Variants in EXT1 observed in about 807,000 individuals in gnomAD.
The protein encoded by EXT1 is exostosin-1.
In EXT1, 20 loss-of-function variants were observed where a neutral mutation model predicts 82.5. The ratio of observed to expected loss-of-function variants is 0.24; its 90% CI spans 0.17 to 0.35. The LOEUF is 0.35. EXT1 is among the 10% of genes least tolerant of loss of function. The pLI, the probability that EXT1 is intolerant of heterozygous loss-of-function variation, is 1.00. For synonymous variants in EXT1, 348 were observed against 350.8 expected, an observed-to-expected ratio of 0.99 and a Z score of 0.09; for missense variants, 757 against 936.5, an observed-to-expected ratio of 0.81 and a Z score of 2.50.
At chr8:117,960,582 A>G (rs1278575067) in intron 1 of EXT1, among the ~76,000 whole-genome samples, 2 of 152,366 alleles carry the variant, frequency 1.3e-5, no homozygotes, top group Non-Finnish European at 1.5e-5. Context: ...GTACATAATT[A>G]TAAGTACCTG....
rs1041914553 is a variant in EXT1 at position 117,987,272 on chromosome 8, C to A, written c.962+122813G>T. 1.1e-4 allele frequency among the ~76,000 whole-genome samples: 17 copies of A among 152,190 alleles called. 1 individual carries two copies. Among genetic ancestry groups the A allele is most frequent in the African/African-American group, 3.9e-4 (16 of 41,452 alleles). ...ATGGCCAACTTTTCTCAGACACTAA[C>A]CTGGAGTCACTAAAAAGAAAAAATT... is the stretch of plus-strand genomic sequence containing the variant. On this transcript the variant is annotated intron_variant, in intron 1 of 10. Transcript: ENST00000378204.
intron 1 of EXT1, among the ~76,000 whole-genome samples, chr8:117,924,081 T>C (rs1415618181): frequency 6.6e-6 from 1 of 152,238 alleles, no homozygotes; most frequent in Non-Finnish European, 1.5e-5. Flanking sequence ...ATGCTAGAAC[T>C]GGAGAATTTC....
rs1812078124 is a variant in EXT1 at position 117,830,331 on chromosome 8, AC to A, written c.1182del (p.Arg394SerfsTer9). ...RLLLQIPSTI[R>X]SIHQDKILAL... ...GCTAGGATTTTATCCTGATGAATAG[AC>A]CTGATTGTAGAAGGAATCTGTAACA... On this transcript the variant is annotated frameshift_variant, in exon 4 of 11. Transcript: ENST00000378204. LOFTEE classifies it high-confidence loss of function. 6.2e-7 allele frequency: 1 copy of A among 1,613,960 alleles called. No homozygotes were observed. The highest frequency in any genetic ancestry group is 1.7e-5 in the Admixed American group (1 of 60,004).
chr8:118,007,712 A>G (rs1295528871), intron 1 of EXT1, among the ~76,000 whole-genome samples: 1 of 152,256 alleles, frequency 6.6e-6, no homozygotes, highest in Non-Finnish European at 1.5e-5. Context: ...TTTCATTCGC[A>G]TCACCAGATG....
chr8:118,054,067 A>T (rs934861080), intron 1 of EXT1, among the ~76,000 whole-genome samples: 2 of 152,192 alleles, frequency 1.3e-5, no homozygotes, highest in African/African-American at 4.8e-5. Flanking sequence ...AACATCCTAT[A>T]ATGTACAGGG....
intron 1 of EXT1, among the ~76,000 whole-genome samples, chr8:117,868,928 T>C (rs1812820544): frequency 6.6e-6 from 1 of 152,054 alleles, no homozygotes; most frequent in African/African-American, 2.4e-5. Flanking sequence ...TGATGTGGAG[T>C]AGCCAGCCCT....
Position 117,985,345 on chromosome 8 carries a change from G to C in EXT1, c.962+124740C>G, listed in dbSNP as rs112980455. 7.4e-3 allele frequency among the ~76,000 whole-genome samples: 1,127 copies of C among 152,266 alleles called. 12 individuals are homozygous for C. Among genetic ancestry groups the C allele is most frequent in the African/African-American group, 0.026 (1,073 of 41,548 alleles). On this transcript the variant is annotated intron_variant, in intron 1 of 10. Transcript: ENST00000378204. ...TTGTTTGTTTTCCCTGATGATTTCA[G>C]AGAGAAAACCTCTAGCGGGCACCAA...
chr8:118,075,336 T>C (rs904962082), intron 1 of EXT1, among the ~76,000 whole-genome samples: 6 of 152,218 alleles, frequency 3.9e-5, no homozygotes, highest in Non-Finnish European at 7.3e-5. Flanking sequence ...CCATTCCCGA[T>C]ACTGCAGCTG....
chr8:117,938,663 A>C (rs1360723816), intron 1 of EXT1, among the ~76,000 whole-genome samples: 2 of 152,202 alleles, frequency 1.3e-5, no homozygotes, highest in African/African-American at 4.8e-5. Flanking sequence ...CTTCAAATGA[A>C]AGGGTCAAAA....
At chr8:117,920,790 T>C (rs2130013024) in intron 1 of EXT1, among the ~76,000 whole-genome samples, 1 of 152,264 alleles carries the variant, frequency 6.6e-6, no homozygotes, top group Non-Finnish European at 1.5e-5. Context: ...ACAATTGTGC[T>C]GGGTGGAAGT....
chr8:118,074,234 A>G (rs1314904251), intron 1 of EXT1, among the ~76,000 whole-genome samples: 1 of 152,154 alleles, frequency 6.6e-6, no homozygotes, highest in Non-Finnish European at 1.5e-5. Flanking sequence ...CACCACCACA[A>G]AAGTTCAGAG....
intron 1 of EXT1, among the ~76,000 whole-genome samples, chr8:117,990,044 G>A (rs1438319580): frequency 6.6e-6 from 1 of 152,118 alleles, no homozygotes; most frequent in South Asian, 2.1e-4. Context: ...GTGGTGGTAT[G>A]AGCCTGTAAT....
intron 4 of EXT1, among the ~76,000 whole-genome samples, chr8:117,828,210 G>C (rs1428422735): frequency 6.6e-6 from 1 of 152,048 alleles, no homozygotes; most frequent in Admixed American, 6.6e-5. Context: ...GGTTTTACAT[G>C]AATGAATTAT....
chr8:118,019,323 G>A (rs1254484555), intron 1 of EXT1, among the ~76,000 whole-genome samples: 3 of 152,004 alleles, frequency 2.0e-5, no homozygotes, highest in African/African-American at 7.2e-5. Flanking sequence ...TTTATACAGA[G>A]AGAGGTAAGT....
At chr8:117,957,413 G>T (rs1814609480) in intron 1 of EXT1, among the ~76,000 whole-genome samples, 1 of 152,176 alleles carries the variant, frequency 6.6e-6, no homozygotes, top group South Asian at 2.1e-4. Context: ...TCCCTGAATG[G>T]CAGTGAGTTC....
intron 1 of EXT1, among the ~76,000 whole-genome samples, chr8:117,900,050 TCC>T (rs1218432790): frequency 1.3e-5 from 2 of 152,090 alleles, no homozygotes; most frequent in Non-Finnish European, 2.9e-5. Context: ...TACACGGAGG[TCC>T]CTGCCTTCCA....
chr8:118,051,049 G>A (rs1236521158), intron 1 of EXT1, among the ~76,000 whole-genome samples: 1 of 152,178 alleles, frequency 6.6e-6, no homozygotes, highest in Non-Finnish European at 1.5e-5. Flanking sequence ...ATATAGTGAT[G>A]TTTTGGCCAG....
intron 1 of EXT1, among the ~76,000 whole-genome samples, chr8:118,030,697 G>C (rs1456707090): frequency 6.6e-6 from 1 of 152,072 alleles, no homozygotes; most frequent in African/African-American, 2.4e-5. Context: ...GGTCAGGCTG[G>C]TCTCGAACTA....
intron 3 of EXT1, among the ~76,000 whole-genome samples, chr8:117,834,125 G>A (rs1812145924): frequency 6.6e-6 from 1 of 152,294 alleles, no homozygotes; most frequent in East Asian, 1.9e-4. Flanking sequence ...TGAGATAATA[G>A]GGACTATGGA....
Sources: gnomAD v4.1 joint callset for allele counts (sites outside exome capture counted in the v4.1 genomes callset) on GRCh38, gnomAD v4.1.1 for gene constraint, MANE v1.5 for transcripts, NCBI Gene and HGNC (gene_info 2026-07-23, HGNC 2026-07-21) for gene names.